The following CARMIL3 variants were observed in gnomAD, a reference collection of about 807,000 sequenced individuals.
CARMIL3 encodes capping protein, Arp2/3 and myosin-I linker protein 3.
In CARMIL3, 88 loss-of-function variants were observed where a neutral mutation model predicts 180.8. The observed-to-expected ratio is 0.49, with a 90% CI of 0.41 to 0.58. The LOEUF is 0.58. CARMIL3 is among the 20% of genes least tolerant of loss of function. The pLI is 0.00. For synonymous variants in CARMIL3, 696 were observed against 714.5 expected (o/e 0.97, Z 0.41); for missense variants, 1,548 against 1,787.0 (o/e 0.87, Z 2.41).
In CARMIL3 at chr14:24,057,034, C is replaced by T; in HGVS notation, c.1062+10C>T. 1 of 1,611,298 alleles carries T rather than the reference C, an allele frequency of 6.2e-7. No individual in the cohort carries two copies. On this transcript the variant is annotated intron_variant, in intron 13 of 39. Transcript: ENST00000342740. ...CACGGATGAGGCCAATGTGAGTCCT[C>T]AGAACAGCCTCAGCCCCCTGCAGAA...
Position 24,058,134 on chromosome 14 carries a change from C to G in CARMIL3, c.1323-21C>G, listed in dbSNP as rs745476420. On this transcript the variant is annotated intron_variant, in intron 16 of 39. Coordinates refer to ENST00000342740, the MANE Select transcript of CARMIL3 (RefSeq NM_138360.4). The surrounding 1 kb of genome is among the most constrained non-coding windows in gnomAD (Gnocchi z 6.4). ...GGAGCGGGAAGAGGTAAAGGAGGGC[C>G]TGCTGACCTCCCTCCCACAGGGCGC... 8 of 1,613,764 alleles carry G rather than the reference C, an allele frequency of 5.0e-6. No individual in the cohort carries two copies. In the African/African-American group the frequency reaches 9.3e-5, roughly 19 times the overall value.
At chr14:24,062,406 G>A in intron 27 of CARMIL3, 74 bp from the exon 28 acceptor site, 1 of 1,340,526 alleles carries the variant, frequency 7.5e-7, no homozygotes, top group Non-Finnish European at 1.1e-6. Flanking sequence ...AGGCTTCTGG[G>A]AGAGGGAGTG....
At chr14:24,060,807 G>A in intron 25 of CARMIL3, 51 bp downstream of exon 25, 1 of 1,593,702 alleles carries the variant, frequency 6.3e-7, no homozygotes, top group Non-Finnish European at 8.6e-7. Flanking sequence ...AACCCAAGAA[G>A]GCCGACCATG....
At chr14:24,062,373 C>T in intron 27 of CARMIL3, 107 bp from the exon 28 acceptor site, 1 of 1,019,528 alleles carries the variant, frequency 9.8e-7, no homozygotes, top group Non-Finnish European at 1.6e-6. Flanking sequence ...GGCAGACAGA[C>T]CAGGCCAGCT....
Position 24,065,725 on chromosome 14 carries a change from G to C in CARMIL3, c.3500G>C (p.Gly1167Ala). Residue 1167 changes from glycine (G) to alanine (A), a missense_variant, in exon 34 of 40, where the codon GGT becomes GCT. Coordinates refer to ENST00000342740, the MANE Select transcript of CARMIL3 (RefSeq NM_138360.4). ...CTTCCCGGGTTGGAAAGAGCCAAGGGTTGGAGCTTCGATGGGAAACGAGAG... is the reference window on the plus strand; with the variant it reads ...CTTCCCGGGTTGGAAAGAGCCAAGGCTTGGAGCTTCGATGGGAAACGAGAG... ...VALPGLERAK[G>A]WSFDGKREGP... 1 of 1,614,140 alleles carries C rather than the reference G, an allele frequency of 6.2e-7. No homozygotes were observed.
At chr14:24,066,156 G>A (rs551993782) in intron 34 of CARMIL3, among the ~76,000 whole-genome samples, 8 of 152,194 alleles carry the variant, frequency 5.3e-5, no homozygotes, top group Non-Finnish European at 7.4e-5. Context: ...TGAATGAGTC[G>A]TGTTTTTTTC....
At position 24,061,623 on chromosome 14, in the gene CARMIL3, C is replaced by T; in HGVS notation, c.2431C>T (p.Arg811Ter). Residue 811 changes from arginine to a stop codon, truncating the protein, a stop_gained, in exon 27 of 40, where the codon CGA becomes TGA. Coordinates refer to ENST00000342740, the MANE Select transcript of CARMIL3 (RefSeq NM_138360.4). LOFTEE classifies it high-confidence loss of function. This position sits in a 1 kb window ranked among gnomAD's most constrained non-coding sequence, Gnocchi z 4.1. ...ERVTVPRNFI[R>*]GALLEQAGQD... The stretch of plus-strand genomic sequence containing the variant: ...TGTCACTGTGCCCCGGAACTTCATC[C>T]GAGGGGCACTGCTGGAGCAAGCAGG... 6.2e-7 allele frequency: 1 copy of T among 1,613,848 alleles called. No homozygotes were observed. The highest frequency in any genetic ancestry group is 8.5e-7 in the Non-Finnish European group (1 of 1,179,972).
At chr14:24,066,301 T>C (rs2035785946) in intron 34 of CARMIL3, 97 bp from the exon 35 acceptor site, 2 of 1,410,364 alleles carry the variant, frequency 1.4e-6, no homozygotes, top group Admixed American at 3.9e-5. Flanking sequence ...ACTAATGACA[T>C]GAGAATGACA....
intron 36 of CARMIL3, among the ~76,000 whole-genome samples, chr14:24,067,059 G>C (rs565144599): frequency 2.6e-5 from 4 of 152,340 alleles, no homozygotes; most frequent in Admixed American, 2.6e-4. Flanking sequence ...GCCCACCTCA[G>C]ATTCCAGCCT....
Position 24,060,993 on chromosome 14 carries a change from G to A in CARMIL3, c.2257G>A (p.Glu753Lys). Residue 753 changes from glutamate (E) to lysine (K), a missense_variant, in exon 26 of 40, where the codon GAA becomes AAA. Physicochemically the swap from Glu to Lys is moderately conservative, Grantham distance 56. Coordinates refer to ENST00000342740, the MANE Select transcript of CARMIL3 (RefSeq NM_138360.4). ...ANDGPVRQRL[E>K]SVASEVSKAV... ...TGATGGGCCTGTGCGGCAGAGGCTG[G>A]AATCAGTAGCAAGTGAGGTGTCCAA... 6.4e-7 allele frequency: 1 copy of A among 1,551,704 alleles called. No individual in the cohort carries two copies. The highest frequency in any genetic ancestry group is 8.7e-7 in the Non-Finnish European group (1 of 1,146,986).
At chr14:24,055,474 C>G in intron 8 of CARMIL3, 69 bp from the exon 9 acceptor site, 1 of 1,573,962 alleles carries the variant, frequency 6.4e-7, no homozygotes, top group Non-Finnish European at 8.7e-7. Context: ...ACCACCCTAT[C>G]CTTGGTCTCT....
intron 2 of CARMIL3, 100 bp from the exon 3 acceptor site, chr14:24,053,988 G>C: frequency 7.2e-7 from 1 of 1,380,864 alleles, no homozygotes; most frequent in Non-Finnish European, 1.0e-6. Flanking sequence ...GCATCGGGTT[G>C]GGGAGACACT....
In CARMIL3 at chr14:24,059,296, C is replaced by T. The variant is rs1223676605; in HGVS notation, c.1653C>T (p.Asp551=). 1 of 1,613,982 alleles carries T rather than the reference C, an allele frequency of 6.2e-7. No individual in the cohort carries two copies. Among genetic ancestry groups the T allele is most frequent in the East Asian group, 2.2e-5 (1 of 44,882 alleles). The change falls in exon 21 of 40, where the codon GAC becomes GAT. Residue 551 remains aspartate, a synonymous_variant. Transcript: ENST00000342740. This position sits in a 1 kb window ranked among gnomAD's most constrained non-coding sequence, Gnocchi z 6.3. Reference sequence around the variant, plus strand: ...CCCTGCAGTCACTGTCGGTGGCAGACTCCCGGCTGAAGCTTCGCACCAGCA... The same window carrying T: ...CCCTGCAGTCACTGTCGGTGGCAGATTCCCGGCTGAAGCTTCGCACCAGCA... ...DCSLQSLSVA[D]SRLKLRTSIL...
intron 29 of CARMIL3, 95 bp downstream of exon 29, chr14:24,062,941 G>A: frequency 1.3e-6 from 2 of 1,545,136 alleles, no homozygotes; most frequent in Non-Finnish European, 1.8e-6. Context: ...TACTCCCCTG[G>A]CCACCTCACT....
intron 29 of CARMIL3, 118 bp downstream of exon 29, chr14:24,062,964 C>T: frequency 1.3e-6 from 2 of 1,538,050 alleles, no homozygotes; most frequent in Non-Finnish European, 1.8e-6. Context: ...GCCTGGCCTT[C>T]TGCCTCCAAT....
At chr14:24,055,483 CTTCTT>C (rs989003239) in intron 8 of CARMIL3, 55 bp from the exon 9 acceptor site, 8 of 1,592,226 alleles carry the variant, frequency 5.0e-6, no homozygotes, top group Admixed American at 1.7e-5. Context: ...TCCTTGGTCT[CTTCTT>C]TTCTGACCCA....
chr14:24,064,193 G>C, intron 31 of CARMIL3, 53 bp from the exon 32 acceptor site: 1 of 1,294,272 alleles, frequency 7.7e-7, no homozygotes, highest in Non-Finnish European at 1.1e-6. Context: ...GTGGATGGGA[G>C]GTGGGGCTTC....
rs530371219 is a variant in CARMIL3, at chr14:24,060,195, G to A, written c.2001G>A (p.Thr667=). ...WCLVRNNHSQ[T]CPQEQAFRLQ... is the part of the protein sequence containing the mutation. Reference sequence around the variant, plus strand: ...TAGTGAGGAACAACCACTCCCAGACGTGCCCCCAGGAGCAGGCCTTCAGGT... The same window carrying A: ...TAGTGAGGAACAACCACTCCCAGACATGCCCCCAGGAGCAGGCCTTCAGGT... The change falls in exon 24 of 40, where the codon ACG becomes ACA. Residue 667 remains threonine (T), a synonymous_variant. Coordinates refer to ENST00000342740, the MANE Select transcript of CARMIL3 (RefSeq NM_138360.4). 13 of 1,614,176 alleles carry A rather than the reference G, an allele frequency of 8.1e-6. No homozygotes were observed. In the Middle Eastern group the frequency reaches 8.2e-4, roughly 102 times the overall value.
rs942067729 is a variant in CARMIL3, at chr14:24,054,218, G to A, written c.187-24G>A. ...CTGGCAACCCAGGTCCTTACCAGGAGCTGAGCATCTCCATCCCTCCTAGGT... is the reference window on the plus strand; with the variant it reads ...CTGGCAACCCAGGTCCTTACCAGGAACTGAGCATCTCCATCCCTCCTAGGT... On this transcript the variant is annotated intron_variant, in intron 3 of 39. Coordinates refer to ENST00000342740, the MANE Select transcript of CARMIL3 (RefSeq NM_138360.4). The surrounding 1 kb of genome is among the most constrained non-coding windows in gnomAD (Gnocchi z 5.1). 2.5e-6 allele frequency: 4 copies of A among 1,614,146 alleles called. No individual in the cohort carries two copies. The highest frequency in any genetic ancestry group is 1.3e-5 in the African/African-American group (1 of 75,052).
Sources: allele counts gnomAD v4.1 joint callset (sites outside exome capture counted in the v4.1 genomes callset), GRCh38; gene constraint gnomAD v4.1.1; non-coding constraint Gnocchi (gnomAD v3.1); transcripts MANE v1.5; gene names NCBI Gene and HGNC (gene_info 2026-07-23, HGNC 2026-07-21).